Variants in CDC14B observed in about 807,000 individuals in gnomAD.
CDC14B encodes the protein dual specificity protein phosphatase CDC14B.
In CDC14B, 22 loss-of-function variants were observed where a neutral mutation model predicts 64.2. The observed-to-expected ratio is 0.34, with a 90% CI of 0.24 to 0.49. The LOEUF (loss-of-function observed/expected upper bound fraction) is 0.49. Ranked by LOEUF, CDC14B falls within the 20% of genes least tolerant of loss-of-function variation. The pLI, the probability that CDC14B is intolerant of heterozygous loss-of-function variation, is 0.99. For missense variants in CDC14B, 498 were observed against 629.9 expected (o/e 0.79, Z 2.24); for synonymous variants, 191 against 215.8 (o/e 0.89, Z 1.01).
At chr9:96,570,298 C>A (rs546204681) in intron 1 of CDC14B, among the ~76,000 whole-genome samples, 1 of 152,056 alleles carries the variant, frequency 6.6e-6, no homozygotes, top group Non-Finnish European at 1.5e-5. Context: ...ATGTAGGAGT[C>A]GGTGGGAATT....
intron 1 of CDC14B, 135 bp from the exon 2 acceptor site, chr9:96,565,618 G>A: frequency 1.2e-5 from 8 of 686,830 alleles, no homozygotes; most frequent in Admixed American, 2.6e-5. Flanking sequence ...AGTGGTAATG[G>A]GTAATTACAA....
At chr9:96,574,435 A>AT (rs1844670027) in intron 1 of CDC14B, among the ~76,000 whole-genome samples, 1 of 152,136 alleles carries the variant, frequency 6.6e-6, no homozygotes, top group Admixed American at 6.5e-5. Context: ...AAAGACAAAA[A>AT]AATACCTCAA....
chr9:96,558,458 T>C (rs1300269869), intron 4 of CDC14B, among the ~76,000 whole-genome samples: 3 of 152,220 alleles, frequency 2.0e-5, no homozygotes, highest in Admixed American at 6.5e-5. Context: ...AAAATTGTAC[T>C]GTAAACATAA....
chr9:96,571,756 G>T (rs1844491086), intron 1 of CDC14B, among the ~76,000 whole-genome samples: 1 of 152,084 alleles, frequency 6.6e-6, no homozygotes, highest in African/African-American at 2.4e-5. Context: ...CCGGCCTTGG[G>T]AAACAGAGTC....
intron 2 of CDC14B, 100 bp downstream of exon 2, chr9:96,565,293 A>T (rs139517937): frequency 1.4e-6 from 1 of 701,012 alleles, no homozygotes; most frequent in African/African-American, 1.8e-5. Context: ...GTAATTAGCA[A>T]TCAATAGATT....
In CDC14B at chr9:96,515,220, C is replaced by T. The variant is rs1253364905; in HGVS notation, c.1344-5431G>A. ...TGAAAGTAGATCAGTGGGAAAAATG[C>T]TTCTTTGCTAGACTGGGAAGGACAT... On this transcript the variant is annotated intron_variant, in intron 12 of 13. Transcript: ENST00000375241. The surrounding 1 kb of genome is among the most constrained non-coding windows in gnomAD (Gnocchi z 4.3). 3.3e-5 allele frequency among the ~76,000 whole-genome samples: 5 copies of T among 152,186 alleles called. No individual in the cohort carries two copies. The highest frequency in any genetic ancestry group is 1.3e-4 in the Admixed American group (2 of 15,270).
intron 1 of CDC14B, among the ~76,000 whole-genome samples, chr9:96,571,705 C>T (rs1844485960): frequency 6.6e-6 from 1 of 152,124 alleles, no homozygotes; most frequent in African/African-American, 2.4e-5. Flanking sequence ...AGTTTTGTTA[C>T]AACATCTTGT....
At chr9:96,520,389 T>A (rs1836503112) in intron 12 of CDC14B, among the ~76,000 whole-genome samples, 1 of 152,148 alleles carries the variant, frequency 6.6e-6, no homozygotes, top group African/African-American at 2.4e-5. Flanking sequence ...TCTCACTCTG[T>A]CACCCAGGCT....
Position 96,549,722 on chromosome 9 carries a change from G to A in CDC14B, c.497+2074C>T, listed in dbSNP as rs1429120170. Among the ~76,000 whole-genome samples, 4 of 151,842 alleles carry A rather than the reference G, an allele frequency of 2.6e-5. No homozygotes were observed. In the East Asian group the frequency reaches 7.7e-4, roughly 29 times the overall value. ...AATCAAATACCTAGTATCTACAATAGAAGAGATTCAAATTCCACAAAGCTG... is the reference window on the plus strand; with the variant it reads ...AATCAAATACCTAGTATCTACAATAAAAGAGATTCAAATTCCACAAAGCTG... On this transcript the variant is annotated intron_variant, in intron 5 of 13. Coordinates refer to ENST00000375241, the MANE Select transcript of CDC14B (RefSeq NM_033331.4).
At chr9:96,598,852 CAT>C (rs1846249973) in intron 1 of CDC14B, among the ~76,000 whole-genome samples, 1 of 152,162 alleles carries the variant, frequency 6.6e-6, no homozygotes, top group Non-Finnish European at 1.5e-5. Context: ...AAACAATCCA[CAT>C]GAGTATCAAT....
chr9:96,564,404 C>A (rs562614836), intron 3 of CDC14B, among the ~76,000 whole-genome samples: 2 of 152,248 alleles, frequency 1.3e-5, no homozygotes, highest in East Asian at 3.9e-4. Context: ...TGCTATCACT[C>A]CCCATCAAAA....
At chr9:96,574,501 A>C (rs1226883881) in intron 1 of CDC14B, among the ~76,000 whole-genome samples, 4 of 152,084 alleles carry the variant, frequency 2.6e-5, no homozygotes, top group Non-Finnish European at 5.9e-5. Flanking sequence ...ATAAGAATAT[A>C]TAGGAAAATA....
intron 12 of CDC14B, among the ~76,000 whole-genome samples, chr9:96,520,849 C>T (rs1421800977): frequency 3.6e-5 from 5 of 139,542 alleles, no homozygotes; most frequent in Admixed American, 7.6e-5. Context: ...TTTCAACAAG[C>T]GCCCGGGTGC....
chr9:96,575,088 T>G (rs1321341435), intron 1 of CDC14B, among the ~76,000 whole-genome samples: 2 of 152,206 alleles, frequency 1.3e-5, no homozygotes, highest in African/African-American at 4.8e-5. Context: ...ACAACGGATG[T>G]TTATTTCTTG....
chr9:96,530,653 ATT>A (rs57789654), intron 9 of CDC14B, among the ~76,000 whole-genome samples: 5 of 138,014 alleles, frequency 3.6e-5, no homozygotes, highest in Admixed American at 1.5e-4. Flanking sequence ...TCTAATTTCG[ATT>A]TTTTTTTTTT....
chr9:96,605,050 T>C (rs1226960985), intron 1 of CDC14B, among the ~76,000 whole-genome samples: 1 of 152,146 alleles, frequency 6.6e-6, no homozygotes, highest in African/African-American at 2.4e-5. Context: ...ATGCATATGC[T>C]TTCTCAACAT....
At chr9:96,496,757 G>A (rs1833264385), downstream of CDC14B, among the ~76,000 whole-genome samples, 2 of 152,206 alleles carry the variant, frequency 1.3e-5, no homozygotes, top group African/African-American at 4.8e-5. Flanking sequence ...CCCGTCCCGC[G>A]CCCTCCCTCC....
rs530287885 is a variant in CDC14B at position 96,516,956 on chromosome 9, T to C, written c.1343+5550A>G. On this transcript the variant is annotated intron_variant, in intron 12 of 13. Coordinates refer to ENST00000375241, the MANE Select transcript of CDC14B (RefSeq NM_033331.4). ...GGCATGTGCCACCATGCCCAGCTAA[T>C]TTTGCATTTTTAGTACAGATGGGGT... is the stretch of plus-strand genomic sequence containing the variant. Among the ~76,000 whole-genome samples, 294 of 151,804 alleles carry C rather than the reference T, an allele frequency of 1.9e-3. 4 individuals are homozygous for C. Among genetic ancestry groups the C allele is most frequent in the African/African-American group, 6.6e-3 (275 of 41,468 alleles).
chr9:96,589,730 A>T (rs1430577927), intron 1 of CDC14B, among the ~76,000 whole-genome samples: 12 of 152,126 alleles, frequency 7.9e-5, no homozygotes, highest in African/African-American at 2.7e-4. Flanking sequence ...AGACCCAGGC[A>T]GGTGGATCAT....
Sources: allele counts gnomAD v4.1 joint callset (sites outside exome capture counted in the v4.1 genomes callset), GRCh38; gene constraint gnomAD v4.1.1; non-coding constraint Gnocchi (gnomAD v3.1); transcripts MANE v1.5; gene names NCBI Gene and HGNC (gene_info 2026-07-23, HGNC 2026-07-21).